The following SMOC1 variants were observed in gnomAD, a reference collection of about 807,000 sequenced individuals.
The protein encoded by SMOC1 is SPARC-related modular calcium-binding protein 1.
In SMOC1, 22 loss-of-function variants were observed where a neutral mutation model predicts 56.3. That is an observed-to-expected ratio of 0.39 (90% confidence interval 0.28 to 0.56). The LOEUF is 0.56. Ranked by LOEUF, SMOC1 falls within the 20% of genes least tolerant of loss-of-function variation. The pLI, the probability that SMOC1 is intolerant of heterozygous loss-of-function variation, is 0.61. For synonymous variants in SMOC1, 193 were observed against 215.0 expected (o/e 0.90, Z 0.89); for missense variants, 509 against 565.4 (o/e 0.90, Z 1.01).
chr14:69,918,089 A>G (rs930559838), intron 1 of SMOC1, among the ~76,000 whole-genome samples: 9 of 152,196 alleles, frequency 5.9e-5, no homozygotes, highest in South Asian at 2.1e-4. Context: ...TAACATATCT[A>G]TCATCTCACA....
At chr14:69,888,046 T>C (rs924726890) in intron 1 of SMOC1, among the ~76,000 whole-genome samples, 2 of 152,178 alleles carry the variant, frequency 1.3e-5, no homozygotes, top group African/African-American at 4.8e-5. Flanking sequence ...GGCAGCCAAG[T>C]CCTGGTATTG....
intron 1 of SMOC1, among the ~76,000 whole-genome samples, chr14:69,919,351 T>A (rs1415926707): frequency 6.6e-6 from 1 of 152,206 alleles, no homozygotes; most frequent in African/African-American, 2.4e-5. Context: ...TTTCCAGCCC[T>A]GTGTCTTGTT....
chr14:69,991,157 C>T (rs1371900279), intron 5 of SMOC1, among the ~76,000 whole-genome samples: 1 of 152,090 alleles, frequency 6.6e-6, no homozygotes, highest in Non-Finnish European at 1.5e-5. Flanking sequence ...AGTTAATGCT[C>T]AGAGAATATA....
At chr14:69,982,351 T>C (rs1224859998) in intron 5 of SMOC1, among the ~76,000 whole-genome samples, 2 of 152,250 alleles carry the variant, frequency 1.3e-5, no homozygotes, top group Non-Finnish European at 2.9e-5. Context: ...TTCCATAGTA[T>C]GTGCTCCAAG....
chr14:69,943,683 C>G (rs558042381), intron 1 of SMOC1, among the ~76,000 whole-genome samples: 84 of 152,316 alleles, frequency 5.5e-4, no homozygotes, highest in Middle Eastern at 6.8e-3. Context: ...CTTTCCCCCC[C>G]CTTTCAATAG....
chr14:69,975,857 A>G, intron 4 of SMOC1, 43 bp downstream of exon 4: 1 of 1,452,654 alleles, frequency 6.9e-7, no homozygotes, highest in Non-Finnish European at 9.6e-7. Flanking sequence ...GGTTGGAGAG[A>G]GACCCGTTGG....
At chr14:69,942,933 CT>C (rs1236291607) in intron 1 of SMOC1, among the ~76,000 whole-genome samples, 1 of 152,180 alleles carries the variant, frequency 6.6e-6, no homozygotes, top group Non-Finnish European at 1.5e-5. Context: ...TCTCTCCTGC[CT>C]TCCTACACAG....
chr14:70,007,181 A>G (rs1420350163), intron 7 of SMOC1, among the ~76,000 whole-genome samples: 2 of 152,254 alleles, frequency 1.3e-5, no homozygotes, highest in Admixed American at 6.5e-5. Flanking sequence ...TCCTAGTTCT[A>G]TGATCATCCA....
intron 1 of SMOC1, among the ~76,000 whole-genome samples, chr14:69,899,842 G>A (rs76233624): frequency 6.4e-4 from 97 of 152,272 alleles, no homozygotes; most frequent in Non-Finnish European, 1.1e-3. Context: ...TTTAGATACC[G>A]GTTTAGGTTT....
At chr14:69,890,919 G>A (rs1883943778) in intron 1 of SMOC1, among the ~76,000 whole-genome samples, 1 of 152,176 alleles carries the variant, frequency 6.6e-6, no homozygotes, top group African/African-American at 2.4e-5. Flanking sequence ...GTTCGAGACT[G>A]TTCATAGCAG....
At chr14:69,946,544 A>G (rs1382632751) in intron 1 of SMOC1, among the ~76,000 whole-genome samples, 1 of 152,192 alleles carries the variant, frequency 6.6e-6, no homozygotes, top group Non-Finnish European at 1.5e-5. Flanking sequence ...ATATAAGTGA[A>G]GATTTCTGTA....
rs549047978 is a variant in SMOC1 at position 69,965,286 on chromosome 14, CA to C, written c.379-10428del. The stretch of plus-strand genomic sequence containing the variant: ...GTCCCAGCTACTTGGGAGGCTCAGG[CA>C]GGAGAATCGCTTGAACCCGGGAGGT... On this transcript the variant is annotated intron_variant, in intron 3 of 11. Transcript: ENST00000361956. 4.7e-3 allele frequency among the ~76,000 whole-genome samples: 721 copies of C among 151,936 alleles called. 2 individuals are homozygous for C. Among genetic ancestry groups the C allele is most frequent in the African/African-American group, 0.017 (687 of 41,434 alleles).
chr14:69,962,969 A>T (rs1883439314), intron 3 of SMOC1, among the ~76,000 whole-genome samples: 1 of 152,100 alleles, frequency 6.6e-6, no homozygotes, highest in South Asian at 2.1e-4. Flanking sequence ...CGGTTGTCTC[A>T]GGACTACTTG....
chr14:69,903,211 G>A (rs1884301373), intron 1 of SMOC1, among the ~76,000 whole-genome samples: 1 of 151,026 alleles, frequency 6.6e-6, no homozygotes, highest in South Asian at 2.1e-4. Flanking sequence ...TGAGATGTGG[G>A]GAGCCCCTCT....
intron 1 of SMOC1, among the ~76,000 whole-genome samples, chr14:69,928,418 T>C (rs1469808039): frequency 6.6e-6 from 1 of 152,246 alleles, no homozygotes; most frequent in African/African-American, 2.4e-5. Context: ...CGTAATCCCC[T>C]GTTTGTTTAT....
At chr14:70,009,984 G>C (rs760880018) in intron 7 of SMOC1, among the ~76,000 whole-genome samples, 3 of 152,212 alleles carry the variant, frequency 2.0e-5, no homozygotes, top group Non-Finnish European at 4.4e-5. Context: ...AGATGCCCTG[G>C]AGCTGGCCAT....
intron 3 of SMOC1, among the ~76,000 whole-genome samples, chr14:69,955,688 G>GA (rs10706217): frequency 3.7e-4 from 56 of 151,044 alleles, no homozygotes; most frequent in Non-Finnish European, 3.0e-4. Flanking sequence ...TACCGCTTAA[G>GA]AAAAAAAAAC....
rs181704838 is a variant in SMOC1, at chr14:70,013,578, A to G, written c.1046+87A>G. The G allele has an allele frequency of 5.3e-6, 6 of 1,128,600 alleles. No individual in the cohort carries two copies. In the East Asian group the frequency reaches 1.2e-4, roughly 22 times the overall value. 69.9% of individuals were successfully genotyped at this position (1,128,600 alleles called of 1,614,324 possible). ...GCTGAGGGAGGGTGAGAGAGTGGGC[A>G]GGGTTTGAGGAGGGCAAGGGCTGGA... On this transcript the variant is annotated intron_variant, in intron 10 of 11. Coordinates refer to ENST00000361956, the MANE Select transcript of SMOC1 (RefSeq NM_001034852.3).
In SMOC1 at chr14:69,930,190, T is replaced by TCCCCTGACAGCACCCTTCTCACC. The variant is rs1468659273; in HGVS notation, c.100-21929_100-21907dup. Reference sequence around the variant, plus strand: ...GTACCCCTGACAGCACCCTTCCCACTCCCCTGACAGCACCCTTCTCACCCC... The same window carrying TCCCCTGACAGCACCCTTCTCACC: ...GTACCCCTGACAGCACCCTTCCCACTCCCCTGACAGCACCCTTCTCACCCCCCTGACAGCACCCTTCTCACCCC... On this transcript the variant is annotated intron_variant, in intron 1 of 11. Transcript: ENST00000361956. Among the ~76,000 whole-genome samples, 124 of 148,516 alleles carry TCCCCTGACAGCACCCTTCTCACC rather than the reference T, an allele frequency of 8.3e-4. 1 individual carries two copies. The highest frequency in any genetic ancestry group is 2.6e-3 in the African/African-American group (100 of 38,964).
Sources: allele counts gnomAD v4.1 joint callset (sites outside exome capture counted in the v4.1 genomes callset), GRCh38; gene constraint gnomAD v4.1.1; transcripts MANE v1.5; gene names NCBI Gene and HGNC (gene_info 2026-07-23, HGNC 2026-07-21).